The following RBFOX1 variants were observed in gnomAD, a reference collection of about 807,000 sequenced individuals.
The protein encoded by RBFOX1 is RNA binding fox-1 homolog 1, also known as RNA binding protein fox-1 homolog 1.
A neutral mutation model predicts 57.7 loss-of-function variants in RBFOX1; 8 were observed. The observed-to-expected ratio is 0.14, with a 90% CI of 0.08 to 0.25. The LOEUF is 0.25. Ranked by LOEUF, RBFOX1 falls within the 10% of genes least tolerant of loss-of-function variation. The pLI, the probability that RBFOX1 is intolerant of heterozygous loss-of-function variation, is 1.00. For missense variants in RBFOX1, 611 were observed against 548.5 expected, an observed-to-expected ratio of 1.11 and a Z score of -1.14; for synonymous variants, 326 against 222.4, an observed-to-expected ratio of 1.47 and a Z score of -4.15.
At chr16:7,304,446 C>T (rs1419394718) in intron 4 of RBFOX1, 2 of 985,218 alleles carry the variant, frequency 2.0e-6, no homozygotes, top group Non-Finnish European at 2.4e-6. Flanking sequence ...GCATGTGTCC[C>T]CAGCTTTCGT....
intron 4 of RBFOX1, among the ~76,000 whole-genome samples, chr16:7,466,892 T>A (rs944479125): frequency 6.6e-6 from 1 of 152,164 alleles, no homozygotes; most frequent in Non-Finnish European, 1.5e-5. Context: ...TGACCAGGAA[T>A]GGTCTCTATG....
chr16:6,522,153 C>CAG (rs1462122118), intron 2 of RBFOX1, among the ~76,000 whole-genome samples: 42 of 122,092 alleles, frequency 3.4e-4, no homozygotes, highest in African/African-American at 1.3e-3. Context: ...TGGGGACCCA[C>CAG]AGTGTGTGTG....
At chr16:6,107,197 C>T (rs927276953) in intron 1 of RBFOX1, among the ~76,000 whole-genome samples, 1 of 151,854 alleles carries the variant, frequency 6.6e-6, no homozygotes, top group Non-Finnish European at 1.5e-5. Context: ...CTTCTGGGTC[C>T]CCATCTGTGG....
At chr16:6,363,800 C>A (rs1485282779) in intron 2 of RBFOX1, among the ~76,000 whole-genome samples, 1 of 152,104 alleles carries the variant, frequency 6.6e-6, no homozygotes, top group Non-Finnish European at 1.5e-5. Context: ...TAAAATCAGA[C>A]CCTCTTGTTA....
intron 2 of RBFOX1, among the ~76,000 whole-genome samples, chr16:6,618,827 C>T (rs1266066763): frequency 6.6e-6 from 1 of 152,188 alleles, no homozygotes; most frequent in Non-Finnish European, 1.5e-5. Context: ...CTGCACCTTG[C>T]TTCTCTTGGT....
intron 4 of RBFOX1, among the ~76,000 whole-genome samples, chr16:5,900,350 A>G (rs1259913970): frequency 6.6e-6 from 1 of 152,176 alleles, no homozygotes; most frequent in African/African-American, 2.4e-5. Context: ...GGAGGAGAGA[A>G]TAGCGTGTGT....
chr16:5,467,575 C>T (rs994306158), intron 2 of RBFOX1, among the ~76,000 whole-genome samples: 1 of 152,288 alleles, frequency 6.6e-6, no homozygotes, highest in African/African-American at 2.4e-5. Flanking sequence ...CATCATTGAA[C>T]TTTGAAGGTG....
At chr16:6,232,210 G>T (rs987023318) in intron 1 of RBFOX1, among the ~76,000 whole-genome samples, 1 of 152,182 alleles carries the variant, frequency 6.6e-6, no homozygotes, top group Non-Finnish European at 1.5e-5. Flanking sequence ...TTTGCTTCCT[G>T]AGGAGAGGAG....
At chr16:6,413,139 G>A (rs535914059) in intron 2 of RBFOX1, among the ~76,000 whole-genome samples, 4 of 152,040 alleles carry the variant, frequency 2.6e-5, no homozygotes, top group Middle Eastern at 3.2e-3. Context: ...AACCAACATG[G>A]AGAAACCCTG....
chr16:5,931,599 C>T (rs762435405), intron 4 of RBFOX1, among the ~76,000 whole-genome samples: 1 of 152,164 alleles, frequency 6.6e-6, no homozygotes, highest in Non-Finnish European at 1.5e-5. Context: ...AAAGACGTTA[C>T]AGACCTGAGA....
chr16:7,222,158 G>C (rs1426491852), intron 4 of RBFOX1, among the ~76,000 whole-genome samples: 1 of 151,394 alleles, frequency 6.6e-6, no homozygotes, highest in Non-Finnish European at 1.5e-5. Flanking sequence ...CAAAAGCCCA[G>C]CCTGAAGTAA....
intron 3 of RBFOX1, among the ~76,000 whole-genome samples, chr16:6,996,492 C>T (rs1568286125): frequency 1.3e-5 from 2 of 152,152 alleles, no homozygotes; most frequent in African/African-American, 4.8e-5. Context: ...TCTGGACACG[C>T]ATATTTGTTA....
intron 2 of RBFOX1, among the ~76,000 whole-genome samples, chr16:5,555,221 T>A (rs2045623669): frequency 6.6e-6 from 1 of 152,182 alleles, no homozygotes; most frequent in Non-Finnish European, 1.5e-5. Flanking sequence ...GGTGCAAAAG[T>A]AATTGCGGTT....
intron 2 of RBFOX1, among the ~76,000 whole-genome samples, chr16:6,622,252 A>T (rs547255595): frequency 1.3e-5 from 2 of 152,352 alleles, no homozygotes; most frequent in East Asian, 3.9e-4. Context: ...CGTTTCAGTC[A>T]ACAGCAGACT....
chr16:6,456,906 T>C (rs2094788109), intron 2 of RBFOX1, among the ~76,000 whole-genome samples: 1 of 152,112 alleles, frequency 6.6e-6, no homozygotes, highest in African/African-American at 2.4e-5. Context: ...GAGAAAGTAT[T>C]GGGTCTTAGT....
chr16:7,692,339 G>A (rs1040525620), intron 14 of RBFOX1, among the ~76,000 whole-genome samples: 1 of 152,158 alleles, frequency 6.6e-6, no homozygotes, highest in South Asian at 2.1e-4. Context: ...TATATTCCAG[G>A]GTGTACCTCT....
chr16:7,080,516 A>T (rs922938394), intron 4 of RBFOX1, among the ~76,000 whole-genome samples: 2 of 152,144 alleles, frequency 1.3e-5, no homozygotes, highest in African/African-American at 4.8e-5. Flanking sequence ...TGTTTGTTAT[A>T]AAGTTTGCAG....
At chr16:6,928,431 C>T (rs1477944337) in intron 3 of RBFOX1, among the ~76,000 whole-genome samples, 2 of 152,136 alleles carry the variant, frequency 1.3e-5, no homozygotes, top group Non-Finnish European at 2.9e-5. Context: ...AAGGGGTGAG[C>T]TGGCAGCCAA....
intron 1 of RBFOX1, among the ~76,000 whole-genome samples, chr16:5,437,376 C>G (rs766012294): frequency 6.6e-6 from 1 of 151,882 alleles, no homozygotes; most frequent in Non-Finnish European, 1.5e-5. Flanking sequence ...TATGATATAC[C>G]GAAAACCTTA....
Sources: gnomAD v4.1 joint callset for allele counts (sites outside exome capture counted in the v4.1 genomes callset) on GRCh38, gnomAD v4.1.1 for gene constraint, MANE v1.5 for transcripts, NCBI Gene and HGNC (gene_info 2026-07-23, HGNC 2026-07-21) for gene names.